The following CTTNBP2 variants were observed in gnomAD, a reference collection of about 807,000 sequenced individuals.
CTTNBP2 encodes cortactin-binding protein 2.
Under a neutral mutation model 156.9 loss-of-function variants are expected in CTTNBP2, and 108 were observed. The ratio of observed to expected loss-of-function variants is 0.69; its 90% confidence interval spans 0.59 to 0.81. The LOEUF is 0.81. CTTNBP2 is among the 30% of genes least tolerant of loss of function. The pLI, the probability that CTTNBP2 is intolerant of heterozygous loss-of-function variation, is 0.00. For missense variants in CTTNBP2, 1,924 were observed against 2,035.4 expected (o/e 0.95, Z 1.05); for synonymous variants, 767 against 751.8 (o/e 1.02, Z -0.33).
chr7:117,760,440 G>A lies in CTTNBP2; in HGVS notation c.3167C>T (p.Thr1056Met), dbSNP rs367878351. Residue 1056 changes from threonine to methionine, a missense_variant, in exon 10 of 23, where the codon ACG (threonine) becomes ATG (methionine). Coordinates refer to ENST00000160373, the MANE Select transcript of CTTNBP2 (RefSeq NM_033427.3). ...CGTCATAGGACTGCTGATACCTAGCGTGATGGATCGTATGCTTCTTGCACT... is the reference window on the plus strand; with the variant it reads ...CGTCATAGGACTGCTGATACCTAGCATGATGGATCGTATGCTTCTTGCACT... ...GLSARSIRSI[T>M]LGNVPWSVGQ... 27 of 1,613,592 alleles carry A rather than the reference G, an allele frequency of 1.7e-5. No homozygotes were observed. Among genetic ancestry groups the A allele is most frequent in the African/African-American group, 5.3e-5 (4 of 75,020 alleles).
intron 2 of CTTNBP2, among the ~76,000 whole-genome samples, chr7:117,860,488 G>A (rs995335629): frequency 6.6e-6 from 1 of 151,818 alleles, no homozygotes; most frequent in Admixed American, 6.6e-5. Flanking sequence ...GACTACACGC[G>A]CCCGCCACCA....
At chr7:117,767,715 T>G (rs1797560841) in intron 8 of CTTNBP2, among the ~76,000 whole-genome samples, 1 of 152,214 alleles carries the variant, frequency 6.6e-6, no homozygotes, top group Non-Finnish European at 1.5e-5. Context: ...TCATGTTGAT[T>G]GAGATTTTAG....
chr7:117,743,623 G>A (rs1393543034), intron 14 of CTTNBP2, among the ~76,000 whole-genome samples: 3 of 151,720 alleles, frequency 2.0e-5, no homozygotes, highest in Admixed American at 2.0e-4. Flanking sequence ...TTAGCTGGGT[G>A]TGGTGGCGAG....
At chr7:117,856,232 G>A (rs1240230871) in intron 2 of CTTNBP2, among the ~76,000 whole-genome samples, 1 of 152,216 alleles carries the variant, frequency 6.6e-6, no homozygotes, top group Non-Finnish European at 1.5e-5. Flanking sequence ...ACCATACTTA[G>A]AGGAAATGCT....
chr7:117,798,140 G>A (rs1428624190), intron 3 of CTTNBP2, among the ~76,000 whole-genome samples: 1 of 152,052 alleles, frequency 6.6e-6, no homozygotes, highest in African/African-American at 2.4e-5. Context: ...AGCAGAACCT[G>A]ACAGAAATAC....
intron 8 of CTTNBP2, among the ~76,000 whole-genome samples, chr7:117,767,617 C>T (rs982376624): frequency 3.9e-5 from 6 of 152,262 alleles, no homozygotes; most frequent in Admixed American, 3.9e-4. Context: ...AAGTGCAGGG[C>T]TCTAATTTTA....
intron 2 of CTTNBP2, among the ~76,000 whole-genome samples, chr7:117,842,025 T>C (rs924508561): frequency 1.2e-4 from 19 of 152,052 alleles, no homozygotes; most frequent in African/African-American, 4.6e-4. Flanking sequence ...ACACCTGGGT[T>C]GAACCCCAGT....
intron 2 of CTTNBP2, among the ~76,000 whole-genome samples, chr7:117,831,721 G>A (rs928247304): frequency 1.3e-5 from 2 of 151,994 alleles, no homozygotes; most frequent in Non-Finnish European, 2.9e-5. Flanking sequence ...GTGGCTCGAG[G>A]TGGACATTCC....
chr7:117,724,778 T>C, intron 18 of CTTNBP2, 46 bp from the exon 19 acceptor site: 2 of 1,582,224 alleles, frequency 1.3e-6, no homozygotes, highest in East Asian at 4.5e-5. Context: ...TTTCACTGAT[T>C]AAAGCAAAAT....
chr7:117,845,838 G>A (rs991586961), intron 2 of CTTNBP2, among the ~76,000 whole-genome samples: 18 of 151,898 alleles, frequency 1.2e-4, no homozygotes, highest in African/African-American at 4.1e-4. Context: ...TACCTGTGTG[G>A]TTTCTGTTAA....
rs1802544298 is a variant in CTTNBP2 at position 117,845,770 on chromosome 7, G to T, written c.189+15439C>A. Among the ~76,000 whole-genome samples the T allele has an allele frequency of 2.0e-5, 3 of 152,204 alleles. No homozygotes were observed. The South Asian group carries it at 6.2e-4, about 32-fold the overall frequency. On this transcript the variant is annotated intron_variant, in intron 2 of 22. Transcript: ENST00000160373. The stretch of plus-strand genomic sequence containing the variant: ...CTGTGGTTCAGCCAGTACACATCAA[G>T]ATGGTGTAACGAATGTGATCTGTCC...
intron 7 of CTTNBP2, among the ~76,000 whole-genome samples, chr7:117,778,295 C>T (rs758342729): frequency 1.2e-4 from 18 of 152,028 alleles, no homozygotes; most frequent in South Asian, 4.2e-4. Context: ...AAAAACAAAG[C>T]CAAATAATTT....
rs779020395 is a variant in CTTNBP2, at chr7:117,792,164, G to A, written c.1032C>T (p.Ser344=). The stretch of plus-strand genomic sequence containing the variant: ...TGGCCATGGTGGCACTGGTGCACAC[G>A]CTCCCTTTTGCATTTGCAGAAACTA... ...SPLVSANAKG[S]VCTSATMARP... is the part of the protein sequence containing the mutation. The change falls in exon 4 of 23, where the codon AGC becomes AGT. Residue 344 remains serine (S), a synonymous_variant. Coordinates refer to ENST00000160373, the MANE Select transcript of CTTNBP2 (RefSeq NM_033427.3). The surrounding 1 kb of genome is among the most constrained non-coding windows in gnomAD (Gnocchi z 4.2). 50 of 1,614,030 alleles carry A rather than the reference G, an allele frequency of 3.1e-5. No homozygotes were observed. Among genetic ancestry groups the A allele is most frequent in the Middle Eastern group, 1.6e-4 (1 of 6,084 alleles).
chr7:117,776,201 T>C (rs1300515888), intron 8 of CTTNBP2, among the ~76,000 whole-genome samples: 1 of 152,308 alleles, frequency 6.6e-6, no homozygotes, highest in African/African-American at 2.4e-5. Flanking sequence ...AGCTCCCCCA[T>C]TTCCCTCATC....
At chr7:117,766,600 G>A (rs1797497898) in intron 9 of CTTNBP2, among the ~76,000 whole-genome samples, 3 of 152,096 alleles carry the variant, frequency 2.0e-5, no homozygotes, top group Admixed American at 2.0e-4. Context: ...ATAAAATGCT[G>A]AGGAGCATAT....
chr7:117,745,757 G>A, intron 14 of CTTNBP2, 74 bp downstream of exon 14: 1 of 973,036 alleles, frequency 1.0e-6, no homozygotes, highest in East Asian at 2.4e-5. Context: ...GCAACACAGT[G>A]TATTTTCTCT....
intron 19 of CTTNBP2, among the ~76,000 whole-genome samples, chr7:117,721,363 C>T (rs527489771): frequency 3.9e-5 from 6 of 152,324 alleles, no homozygotes; most frequent in South Asian, 2.1e-4. Context: ...TGATGGAACT[C>T]GGTACAACTA....
chr7:117,819,948 A>G (rs1369540011), intron 2 of CTTNBP2, among the ~76,000 whole-genome samples: 1 of 152,216 alleles, frequency 6.6e-6, no homozygotes, highest in African/African-American at 2.4e-5. Context: ...CAAAGTGTAG[A>G]CCATATTAGC....
At chr7:117,768,581 A>AGAAAGAAAG (rs1554419705) in intron 8 of CTTNBP2, among the ~76,000 whole-genome samples, 27 of 99,118 alleles carry the variant, frequency 2.7e-4, no homozygotes, top group African/African-American at 1.0e-3. Context: ...AAAAAAAAAA[A>AGAAAGAAAG]AAAGAAAGAA....
Sources: allele counts gnomAD v4.1 joint callset (sites outside exome capture counted in the v4.1 genomes callset), GRCh38; gene constraint gnomAD v4.1.1; non-coding constraint Gnocchi (gnomAD v3.1); transcripts MANE v1.5; gene names NCBI Gene and HGNC (gene_info 2026-07-23, HGNC 2026-07-21).